The following MAPK10 variants were observed in gnomAD, a reference collection of about 807,000 sequenced individuals.
MAPK10 encodes the protein mitogen-activated protein kinase 10.
In MAPK10, 25 loss-of-function variants were observed where a neutral mutation model predicts 59.3. The observed-to-expected ratio is 0.42, with a 90% confidence interval of 0.31 to 0.59. The LOEUF is 0.59. Ranked by LOEUF, MAPK10 falls within the 20% of genes least tolerant of loss-of-function variation. The pLI, the probability that MAPK10 is intolerant of heterozygous loss-of-function variation, is 0.15. For missense variants in MAPK10, 351 were observed against 568.9 expected, an observed-to-expected ratio of 0.62 and a Z score of 3.90; for synonymous variants, 190 against 200.5, an observed-to-expected ratio of 0.95 and a Z score of 0.44.
chr4:86,507,662 AT>A (rs1755892903), intron 1 of MAPK10, among the ~76,000 whole-genome samples: 2 of 111,108 alleles, frequency 1.8e-5, no homozygotes, highest in African/African-American at 3.7e-5. Flanking sequence ...ATATATATAT[AT>A]ATATATATAA....
chr4:86,356,526 A>C (rs1285328163), intron 1 of MAPK10: 1 of 870,596 alleles, frequency 1.1e-6, no homozygotes, highest in Non-Finnish European at 1.4e-6. Context: ...CTCCCTATTA[A>C]ATACAGAAAA....
chr4:86,135,005 T>C (rs569417050), intron 4 of MAPK10, among the ~76,000 whole-genome samples: 4 of 152,144 alleles, frequency 2.6e-5, no homozygotes, highest in Admixed American at 2.0e-4. Flanking sequence ...CACCACGAGA[T>C]TATATCCCGC....
At chr4:86,358,812 G>C (rs1735791348) in intron 1 of MAPK10, 1 of 151,892 alleles carries the variant, frequency 6.6e-6, no homozygotes, top group Admixed American at 6.6e-5. Context: ...ACTTATTTCT[G>C]ATTTTTTTTT....
chr4:86,044,154 CAG>C (rs756162186), intron 11 of MAPK10, among the ~76,000 whole-genome samples: 58 of 152,286 alleles, frequency 3.8e-4, no homozygotes, highest in Non-Finnish European at 6.9e-4. Context: ...CACGTCCACT[CAG>C]AGGGGCGAGA....
intron 1 of MAPK10, among the ~76,000 whole-genome samples, chr4:86,405,493 A>T (rs1460051726): frequency 6.6e-6 from 1 of 152,218 alleles, no homozygotes; most frequent in African/African-American, 2.4e-5. Flanking sequence ...AAGTCCCAGA[A>T]TTCTTATCAA....
intron 2 of MAPK10, among the ~76,000 whole-genome samples, chr4:86,270,194 G>A (rs1025805947): frequency 2.6e-5 from 4 of 151,890 alleles, no homozygotes; most frequent in Admixed American, 2.0e-4. Context: ...AATTCAAACC[G>A]GAAATTTGGG....
chr4:86,307,436 G>A (rs1304211406), intron 2 of MAPK10, among the ~76,000 whole-genome samples: 1 of 152,142 alleles, frequency 6.6e-6, no homozygotes, highest in Non-Finnish European at 1.5e-5. Context: ...GTTATAAAAT[G>A]TGATGTTGAT....
rs992221918 is a variant in MAPK10 at position 86,010,691 on chromosome 4, G to A, written c.*6537C>T. ...AATATTATGAATTCTCTTGGTCTGT[G>A]TAAAATATTATTTGCATTATAAAAA... On this transcript the variant is annotated 3_prime_UTR_variant, in exon 14 of 14. Coordinates refer to ENST00000641462, the MANE Select transcript of MAPK10 (RefSeq NM_138982.4). 6.6e-6 allele frequency: 1 copy of A among 152,138 alleles called. No homozygotes were observed. The highest frequency in any genetic ancestry group is 2.4e-5 in the African/African-American group (1 of 41,432). 9.4% of individuals were successfully genotyped at this position (152,138 alleles called of 1,614,324 possible).
At chr4:86,125,616 G>A (rs934192237) in intron 4 of MAPK10, 1 of 151,982 alleles carries the variant, frequency 6.6e-6, no homozygotes, top group Non-Finnish European at 1.5e-5. Context: ...CTCTTCCGGG[G>A]TTACTGCTAC....
At chr4:86,091,627 A>C (rs1167086398) in intron 9 of MAPK10, among the ~76,000 whole-genome samples, 4 of 141,974 alleles carry the variant, frequency 2.8e-5, no homozygotes, top group Non-Finnish European at 6.0e-5. Flanking sequence ...CCTAAATTAA[A>C]TTCTGGTCTC....
At chr4:86,112,729 C>CTAT (rs1380182142) in intron 4 of MAPK10, among the ~76,000 whole-genome samples, 2 of 152,008 alleles carry the variant, frequency 1.3e-5, no homozygotes, top group Non-Finnish European at 2.9e-5. Context: ...TCTATCAGGT[C>CTAT]CACTTGATCC....
intron 1 of MAPK10, among the ~76,000 whole-genome samples, chr4:86,452,641 C>T (rs778411190): frequency 6.6e-6 from 1 of 151,974 alleles, no homozygotes; most frequent in Non-Finnish European, 1.5e-5. Flanking sequence ...AGCAAGGGAC[C>T]GAGTCAGAGA....
At chr4:86,218,691 G>T (rs1038646431) in intron 2 of MAPK10, among the ~76,000 whole-genome samples, 8 of 151,944 alleles carry the variant, frequency 5.3e-5, no homozygotes, top group African/African-American at 1.9e-4. Flanking sequence ...AGGCCAATAG[G>T]GGCTATTAAT....
intron 1 of MAPK10, among the ~76,000 whole-genome samples, chr4:86,537,081 A>C (rs1018000654): frequency 1.3e-5 from 2 of 152,192 alleles, no homozygotes; most frequent in Non-Finnish European, 2.9e-5. Flanking sequence ...CCTCAGTAGG[A>C]TGAAGAGGGA....
intron 1 of MAPK10, among the ~76,000 whole-genome samples, chr4:86,548,645 C>T (rs1759485096): frequency 6.6e-6 from 1 of 152,216 alleles, no homozygotes; most frequent in South Asian, 2.1e-4. Flanking sequence ...CATCATGCTT[C>T]CTGTATAGCC....
At position 86,302,541 on chromosome 4, in the gene MAPK10, G is replaced by A. The variant is rs1418163174; in HGVS notation, c.-7+51989C>T. On this transcript the variant is annotated intron_variant, in intron 2 of 13. Transcript: ENST00000641462. ...CAGCAGTGAACTGTGTTAGTAAACA[G>A]TTTGAGTTCTCTCACCTGCCAGGGC... Among the ~76,000 whole-genome samples the A allele has an allele frequency of 2.0e-5, 3 of 152,174 alleles. No individual in the cohort carries two copies. The East Asian group carries it at 5.8e-4, about 29-fold the overall frequency.
chr4:86,112,160 A>AC (rs762005811), intron 4 of MAPK10, among the ~76,000 whole-genome samples: 6 of 145,506 alleles, frequency 4.1e-5, no homozygotes, highest in African/African-American at 1.5e-4. Context: ...AAAAAAAAAA[A>AC]CCAGCTCCTG....
chr4:86,159,673 GT>G lies in MAPK10; in HGVS notation c.67-207del, dbSNP rs1383847905. ...CTTAGGGAAAAAATGCAAAGAAATTGTTTTTTTCATCATTAAAACTATTTAT... is the reference window on the plus strand; with the variant it reads ...CTTAGGGAAAAAATGCAAAGAAATTGTTTTTTCATCATTAAAACTATTTAT... On this transcript the variant is annotated intron_variant, in intron 3 of 13. Transcript: ENST00000641462. Among the ~76,000 whole-genome samples, 12 of 151,946 alleles carry G rather than the reference GT, an allele frequency of 7.9e-5. No homozygotes were observed. The East Asian group carries it at 2.3e-3, about 29-fold the overall frequency.
chr4:86,440,287 T>C (rs1404754187), intron 1 of MAPK10, among the ~76,000 whole-genome samples: 1 of 152,142 alleles, frequency 6.6e-6, no homozygotes, highest in African/African-American at 2.4e-5. Flanking sequence ...CTATATATAT[T>C]TATACACATA....
Sources: gnomAD v4.1 joint callset for allele counts (sites outside exome capture counted in the v4.1 genomes callset) on GRCh38, gnomAD v4.1.1 for gene constraint, MANE v1.5 for transcripts, NCBI Gene and HGNC (gene_info 2026-07-23, HGNC 2026-07-21) for gene names.